The following ABCC1 variants were observed in gnomAD, a reference collection of about 807,000 sequenced individuals.
ABCC1 encodes the protein ATP binding cassette subfamily C member 1 (ABCC1 blood group).
In ABCC1, 83 loss-of-function variants were observed where a neutral mutation model predicts 172.9. That is an observed-to-expected ratio of 0.48 (90% confidence interval 0.40 to 0.58). ABCC1 has a LOEUF of 0.58. ABCC1 is among the 20% of genes least tolerant of loss of function. The probability of loss-of-function intolerance (pLI) is 0.00; values close to 1 mark genes in which losing one functional copy is unlikely to be tolerated. For missense variants in ABCC1, 1,817 were observed against 2,002.7 expected (o/e 0.91, Z 1.77); for synonymous variants, 937 against 825.2 (o/e 1.14, Z -2.32).
chr16:16,040,905 C>T (rs1373509301), intron 7 of ABCC1, among the ~76,000 whole-genome samples: 2 of 152,036 alleles, frequency 1.3e-5, no homozygotes, highest in African/African-American at 2.4e-5. Context: ...TCCCTTCATG[C>T]CTCACCGGGA....
intron 16 of ABCC1, among the ~76,000 whole-genome samples, chr16:16,081,296 C>T (rs1196926062): frequency 6.6e-6 from 1 of 152,170 alleles, no homozygotes; most frequent in African/African-American, 2.4e-5. Context: ...AATGTTTTAT[C>T]ATTACTTTCA....
At chr16:16,049,901 C>T (rs1334314034) in intron 10 of ABCC1, among the ~76,000 whole-genome samples, 1 of 151,918 alleles carries the variant, frequency 6.6e-6, no homozygotes, top group Non-Finnish European at 1.5e-5. Flanking sequence ...ATCATGTTGG[C>T]TAGGCTGATC....
chr16:16,109,060 A>T (rs528597568), intron 21 of ABCC1, among the ~76,000 whole-genome samples: 1 of 152,090 alleles, frequency 6.6e-6, no homozygotes, highest in South Asian at 2.1e-4. Context: ...CCTCACCCAC[A>T]TTTTTCATTT....
chr16:16,136,474 A>G lies in ABCC1; in HGVS notation c.4126-4A>G, dbSNP rs2045922193. 1 of 1,614,014 alleles carries G rather than the reference A, an allele frequency of 6.2e-7. No individual in the cohort carries two copies. Among genetic ancestry groups the G allele is most frequent in the African/African-American group, 1.3e-5 (1 of 74,998 alleles). On this transcript the variant is annotated splice_region_variant and splice_polypyrimidine_tract_variant and intron_variant, in intron 28 of 30. Coordinates refer to ENST00000399410, the MANE Select transcript of ABCC1 (RefSeq NM_004996.4). ...ATGCCGTCCACTCTCTTCTCTCTGA[A>G]CAGGACCCTGTTTTGTTTTCGGGTT...
chr16:16,089,272 A>T (rs753856967), intron 18 of ABCC1, among the ~76,000 whole-genome samples: 1 of 152,176 alleles, frequency 6.6e-6, no homozygotes, highest in Non-Finnish European at 1.5e-5. Context: ...AGAGCTGGGC[A>T]CGGTAGCGCA....
intron 1 of ABCC1, among the ~76,000 whole-genome samples, chr16:15,982,817 A>AAAAAAAAAAAG (rs2046654856): frequency 6.7e-6 from 1 of 149,568 alleles, no homozygotes; most frequent in Non-Finnish European, 1.5e-5. Context: ...AAAAAAAAAA[A>AAAAAAAAAAAG]AAAAAAAGGA....
intron 23 of ABCC1, among the ~76,000 whole-genome samples, chr16:16,119,180 C>A (rs1182830524): frequency 6.6e-6 from 1 of 152,174 alleles, no homozygotes; most frequent in South Asian, 2.1e-4. Context: ...GTGGCTCATG[C>A]CTTTAATCCC....
chr16:15,974,715 T>C (rs2046445119), intron 1 of ABCC1, among the ~76,000 whole-genome samples: 1 of 152,176 alleles, frequency 6.6e-6, no homozygotes, highest in Non-Finnish European at 1.5e-5. Flanking sequence ...CACAGACAAA[T>C]ATCAAAGATA....
At chr16:15,999,986 C>T (rs1407667900) in intron 1 of ABCC1, among the ~76,000 whole-genome samples, 1 of 149,956 alleles carries the variant, frequency 6.7e-6, no homozygotes, top group Non-Finnish European at 1.5e-5. Flanking sequence ...TCCCGAGTAG[C>T]TGGGACTACA....
chr16:16,111,579 CA>C lies in ABCC1; in HGVS notation c.3078del (p.Ile1028SerfsTer34). The C allele has an allele frequency of 6.2e-7, 1 of 1,612,572 alleles. No homozygotes were observed. Among genetic ancestry groups the C allele is most frequent in the Non-Finnish European group, 8.5e-7 (1 of 1,179,754 alleles). On this transcript the variant is annotated frameshift_variant and splice_region_variant, in exon 22 of 31. Coordinates refer to ENST00000399410, the MANE Select transcript of ABCC1 (RefSeq NM_004996.4). LOFTEE classifies it high-confidence loss of function. Reference protein sequence around the residue: ...LSVYGALGISQGIAVFGYSMA... With the variant: ...LSVYGALGISXGIAVFGYSMA... ...CGTCTATGGAGCCCTGGGCATTTCA[CA>C]AGGTTGGTGCCGCTGTCTCCCACCC...
At chr16:16,062,095 T>C (rs1261945703) in intron 12 of ABCC1, among the ~76,000 whole-genome samples, 1 of 152,204 alleles carries the variant, frequency 6.6e-6, no homozygotes, top group Admixed American at 6.5e-5. Context: ...TGAAAGGTCT[T>C]GTCTCAGAGG....
chr16:16,110,514 C>T (rs775332067), intron 21 of ABCC1, among the ~76,000 whole-genome samples: 23 of 152,054 alleles, frequency 1.5e-4, no homozygotes, highest in Non-Finnish European at 2.8e-4. Context: ...CTCAGCCTCC[C>T]GAGTAGCTGA....
intron 28 of ABCC1, 64 bp from the exon 29 acceptor site, chr16:16,136,414 C>A: frequency 1.3e-6 from 2 of 1,567,890 alleles, no homozygotes; most frequent in South Asian, 1.2e-5. Context: ...GTCCTTAGGT[C>A]GCCTCCATCC....
intron 11 of ABCC1, among the ~76,000 whole-genome samples, chr16:16,055,576 CAG>C (rs2049614835): frequency 6.6e-6 from 1 of 151,144 alleles, no homozygotes; most frequent in African/African-American, 2.4e-5. Context: ...AATACGAAAA[CAG>C]AGAAGAAAAA....
At chr16:16,054,376 G>C (rs1218670105) in intron 11 of ABCC1, among the ~76,000 whole-genome samples, 2 of 152,088 alleles carry the variant, frequency 1.3e-5, no homozygotes, top group Non-Finnish European at 2.9e-5. Context: ...CCTGCTTTGG[G>C]GACCTCTCTG....
chr16:16,068,993 TAA>T (rs35133979), intron 13 of ABCC1, among the ~76,000 whole-genome samples: 13 of 124,110 alleles, frequency 1.0e-4, no homozygotes, highest in Admixed American at 1.7e-4. Flanking sequence ...GTCTCAAAAT[TAA>T]AAAAAAAAAA....
intron 16 of ABCC1, among the ~76,000 whole-genome samples, chr16:16,080,968 G>A (rs185191731): frequency 1.3e-5 from 2 of 152,050 alleles, no homozygotes; most frequent in East Asian, 1.9e-4. Context: ...GGGTTCAACC[G>A]ATTCTTCTGT....
chr16:15,949,843 C>T (rs1222042219), intron 1 of ABCC1, 44 bp downstream of exon 1: 15 of 1,187,102 alleles, frequency 1.3e-5, no homozygotes, highest in Non-Finnish European at 1.5e-5. Context: ...CGGAGGGAGG[C>T]CGGCGGGGAG....
At chr16:16,102,744 C>T in intron 20 of ABCC1, 27 bp downstream of exon 20, 1 of 1,551,472 alleles carries the variant, frequency 6.4e-7, no homozygotes, top group Non-Finnish European at 8.7e-7. Flanking sequence ...AGGCCCCAAC[C>T]TAAGGACCCT....
Sources: gnomAD v4.1 joint callset for allele counts (sites outside exome capture counted in the v4.1 genomes callset) on GRCh38, gnomAD v4.1.1 for gene constraint, MANE v1.5 for transcripts, NCBI Gene and HGNC (gene_info 2026-07-23, HGNC 2026-07-21) for gene names.